Variants in ARHGEF26 observed in about 807,000 individuals in gnomAD.
ARHGEF26 encodes Rho guanine nucleotide exchange factor 26, also known as Rho guanine nucleotide exchange factor (GEF) 26.
Under a neutral mutation model 89.4 loss-of-function variants are expected in ARHGEF26, and 59 were observed. The ratio of observed to expected loss-of-function variants is 0.66; its 90% CI spans 0.54 to 0.82. The LOEUF is 0.82. Among genes scored for constraint, ARHGEF26 ranks in the 40% least tolerant of loss-of-function variants. The pLI, the probability that ARHGEF26 is intolerant of heterozygous loss-of-function variation, is 0.00. For synonymous variants in ARHGEF26, 500 were observed against 428.4 expected, an observed-to-expected ratio of 1.17 and a Z score of -2.06; for missense variants, 1,234 against 1,085.6, an observed-to-expected ratio of 1.14 and a Z score of -1.92.
At chr3:154,161,246 TAAC>T (rs1486309161) in intron 6 of ARHGEF26, among the ~76,000 whole-genome samples, 1 of 152,116 alleles carries the variant, frequency 6.6e-6, no homozygotes, top group African/African-American at 2.4e-5. Context: ...ACATTATTAT[TAAC>T]ATCATTATTA....
intron 9 of ARHGEF26, among the ~76,000 whole-genome samples, chr3:154,209,798 G>A (rs971702026): frequency 2.0e-5 from 3 of 152,198 alleles, no homozygotes; most frequent in Non-Finnish European, 2.9e-5. Flanking sequence ...ACAGTCAGTC[G>A]ACGGCAAAGC....
Position 154,254,073 on chromosome 3 carries a change from GC to G in ARHGEF26, c.2369-644del, listed in dbSNP as rs542750187. Reference sequence around the variant, plus strand: ...TGAGACTACAGGCGCCCGCCACCATGCCCAGCTAATTTTTTGTATTTTTAGT... The same window carrying G: ...TGAGACTACAGGCGCCCGCCACCATGCCAGCTAATTTTTTGTATTTTTAGT... On this transcript the variant is annotated intron_variant, in intron 13 of 14. Coordinates refer to ENST00000465093, the MANE Select transcript of ARHGEF26 (RefSeq NM_015595.4). Among the ~76,000 whole-genome samples, 715 of 152,208 alleles carry G rather than the reference GC, an allele frequency of 4.7e-3. 4 individuals carry two copies. Among genetic ancestry groups the G allele is most frequent in the African/African-American group, 0.016 (677 of 41,542 alleles).
At chr3:154,139,465 T>C (rs1719225889) in intron 4 of ARHGEF26, among the ~76,000 whole-genome samples, 2 of 152,226 alleles carry the variant, frequency 1.3e-5, no homozygotes, top group African/African-American at 4.8e-5. Context: ...ATAATAGCAG[T>C]CTGTAGGAAG....
chr3:154,170,294 T>C (rs1417387918), intron 6 of ARHGEF26, among the ~76,000 whole-genome samples: 1 of 151,874 alleles, frequency 6.6e-6, no homozygotes. Context: ...CCGGGAGAGG[T>C]CTAGGCTGCA....
In ARHGEF26 at chr3:154,122,466, C is replaced by G. The variant is rs374472368; in HGVS notation, c.474C>G (p.Pro158=). ...CTAACGCGCCCGCCCCCTGCACCCCCGAGGAGGACCTTACTGGGTTGACTG... is the reference window on the plus strand; with the variant it reads ...CTAACGCGCCCGCCCCCTGCACCCCGGAGGAGGACCTTACTGGGTTGACTG... The part of the protein sequence containing the change: ...RTPNAPAPCT[P]EEDLTGLTAS... Residue 158 remains proline, a synonymous_variant, in exon 2 of 15, where the codon CCC becomes CCG. Transcript: ENST00000465093. 2.1e-3 allele frequency: 3,405 copies of G among 1,612,374 alleles called. 18 individuals are homozygous for G. The highest frequency in any genetic ancestry group is 1.4e-3 in the Non-Finnish European group (1,708 of 1,179,648).
Position 154,256,805 on chromosome 3 carries a change from ACTTGCTGTATTCAGAG to A in ARHGEF26, c.*1333_*1348del. 6.6e-7 allele frequency: 1 copy of A among 1,504,704 alleles called. No homozygotes were observed. Among genetic ancestry groups the A allele is most frequent in the Non-Finnish European group, 8.8e-7 (1 of 1,135,292 alleles). 93.2% of individuals were successfully genotyped at this position (1,504,704 alleles called of 1,614,324 possible). A position where few individuals can be genotyped will look rare whatever the true frequency, so the allele number is the denominator to read the frequency against. On this transcript the variant is annotated 3_prime_UTR_variant, in exon 15 of 15. Transcript: ENST00000465093. ...CATTCTATTTGCACTAAAAGCCTTA[ACTTGCTGTATTCAGAG>A]TCCCTCTTAACTGTGAGTTTCTATA...
intron 9 of ARHGEF26, among the ~76,000 whole-genome samples, chr3:154,200,432 T>C (rs1039517116): frequency 1.3e-5 from 2 of 152,174 alleles, no homozygotes; most frequent in Non-Finnish European, 2.9e-5. Context: ...TCTGTTTTTA[T>C]GCCAGTACCA....
Position 154,122,280 on chromosome 3 carries a change from G to C in ARHGEF26, c.288G>C (p.Thr96=), listed in dbSNP as rs755174188. 2.5e-6 allele frequency: 4 copies of C among 1,612,420 alleles called. No homozygotes were observed. Among genetic ancestry groups the C allele is most frequent in the South Asian group, 1.1e-5 (1 of 91,014 alleles). Reference sequence around the variant, plus strand: ...GGAGAGCGGTGGCCAATGGTGGGACGGCATCCCCGGAGTACAGGGCTGCCT... The same window carrying C: ...GGAGAGCGGTGGCCAATGGTGGGACCGCATCCCCGGAGTACAGGGCTGCCT... ...AQRRAVANGG[T]ASPEYRAASP... The change falls in exon 2 of 15, where the codon ACG becomes ACC. Residue 96 remains threonine (T), a synonymous_variant. Transcript: ENST00000465093.
intron 9 of ARHGEF26, among the ~76,000 whole-genome samples, chr3:154,199,078 C>G (rs1459068934): frequency 6.6e-6 from 1 of 151,906 alleles, no homozygotes; most frequent in Non-Finnish European, 1.5e-5. Context: ...CAGTTAAACT[C>G]TTTATTTTAA....
chr3:154,211,896 A>G (rs180857031), intron 9 of ARHGEF26, among the ~76,000 whole-genome samples: 53 of 148,798 alleles, frequency 3.6e-4, no homozygotes, highest in Non-Finnish European at 9.0e-5. Context: ...TATTTTATTG[A>G]TATGTAGAAA....
intron 6 of ARHGEF26, among the ~76,000 whole-genome samples, chr3:154,180,882 A>G (rs559935300): frequency 1.3e-5 from 2 of 152,184 alleles, no homozygotes; most frequent in Admixed American, 1.3e-4. Flanking sequence ...TTTGTGTCGA[A>G]TCAACACATT....
At chr3:154,225,726 A>G in intron 10 of ARHGEF26, 130 bp from the exon 11 acceptor site, 1 of 921,978 alleles carries the variant, frequency 1.1e-6, no homozygotes, top group Non-Finnish European at 1.5e-6. Flanking sequence ...TCAGTTTTAT[A>G]TGCCTATAAA....
At position 154,257,364 on chromosome 3, in the gene ARHGEF26, A is replaced by T. The variant is rs1718587427; in HGVS notation, c.*1891A>T. 1 of 154,210 alleles carries T rather than the reference A, an allele frequency of 6.5e-6. No individual in the cohort carries two copies. The allele number at this position is 154,210 out of a possible 1,614,324, so 9.6% of individuals were successfully genotyped here. On this transcript the variant is annotated 3_prime_UTR_variant, in exon 15 of 15. Coordinates refer to ENST00000465093, the MANE Select transcript of ARHGEF26 (RefSeq NM_015595.4). ...TCCGTCACCTCTTTAATAATGTCAC[A>T]GACTTTTTAAAAGAGAGGCTATCAA...
intron 9 of ARHGEF26, among the ~76,000 whole-genome samples, chr3:154,212,190 T>C (rs1357323675): frequency 6.6e-6 from 1 of 151,776 alleles, no homozygotes; most frequent in Admixed American, 6.6e-5. Flanking sequence ...AATCAAAAAA[T>C]TAGCCTGGCA....
chr3:154,227,932 A>C (rs990578458), intron 11 of ARHGEF26, among the ~76,000 whole-genome samples: 2 of 152,208 alleles, frequency 1.3e-5, no homozygotes, highest in African/African-American at 2.4e-5. Flanking sequence ...AGTACAGTGC[A>C]ACTTTTGTTC....
chr3:154,234,913 T>C (rs113720751), intron 11 of ARHGEF26, among the ~76,000 whole-genome samples: 9,709 of 152,104 alleles, frequency 0.064, 346 homozygotes, highest in Middle Eastern at 0.092. Context: ...CTACAGGCGC[T>C]CACCACCGCG....
chr3:154,214,499 G>A (rs927352252), intron 9 of ARHGEF26, among the ~76,000 whole-genome samples: 1 of 152,138 alleles, frequency 6.6e-6, no homozygotes, highest in Non-Finnish European at 1.5e-5. Context: ...AGTTTTGGAG[G>A]AAAGTGGATG....
chr3:154,257,748 A>G lies in ARHGEF26; in HGVS notation c.*2275A>G, dbSNP rs1201021381. On this transcript the variant is annotated 3_prime_UTR_variant, in exon 15 of 15. Coordinates refer to ENST00000465093, the MANE Select transcript of ARHGEF26 (RefSeq NM_015595.4). ...TCATTACTAAAGAACAAAAATGTTC[A>G]TTTTTGTCCCAGTAAATTGAGACTG... 1 of 152,166 alleles carries G rather than the reference A, an allele frequency of 6.6e-6. No individual in the cohort carries two copies. Among genetic ancestry groups the G allele is most frequent in the Non-Finnish European group, 1.5e-5 (1 of 68,028 alleles). The allele number at this position is 152,166 out of a possible 1,614,324, so 9.4% of individuals were successfully genotyped here.
At chr3:154,196,476 A>ACAT (rs1322505970) in intron 9 of ARHGEF26, among the ~76,000 whole-genome samples, 1 of 152,120 alleles carries the variant, frequency 6.6e-6, no homozygotes, top group Non-Finnish European at 1.5e-5. Flanking sequence ...CTTTGCTATG[A>ACAT]AGTACTGTTT....
Sources: allele counts gnomAD v4.1 joint callset (sites outside exome capture counted in the v4.1 genomes callset), GRCh38; gene constraint gnomAD v4.1.1; transcripts MANE v1.5; gene names NCBI Gene and HGNC (gene_info 2026-07-23, HGNC 2026-07-21).